The following CDS2 variants were observed in gnomAD, a reference collection of about 807,000 sequenced individuals.
The protein encoded by CDS2 is CDP-diacylglycerol synthase 2.
CDS2 carries 47 observed loss-of-function variants against 59.0 expected under a neutral mutation model. That is an observed-to-expected ratio of 0.80 (90% CI 0.63 to 1.02). The LOEUF is 1.02. Ranked by LOEUF, CDS2 falls within the 50% of genes least tolerant of loss-of-function variation. The pLI is 0.00. For synonymous variants in CDS2, 207 were observed against 206.4 expected, an observed-to-expected ratio of 1.00 and a Z score of -0.02; for missense variants, 356 against 558.9, an observed-to-expected ratio of 0.64 and a Z score of 3.66.
chr20:5,147,768 C>G (rs1191068210), intron 1 of CDS2, among the ~76,000 whole-genome samples: 2 of 151,350 alleles, frequency 1.3e-5, no homozygotes, highest in Non-Finnish European at 2.9e-5. Context: ...TGCCATGTTG[C>G]CCAGGTTGGT....
intron 1 of CDS2, among the ~76,000 whole-genome samples, chr20:5,130,743 G>A (rs994605265): frequency 1.5e-4 from 23 of 149,332 alleles, no homozygotes; most frequent in African/African-American, 5.7e-4. Context: ...AGATTGCGCC[G>A]TTGCACTCCA....
intron 1 of CDS2, among the ~76,000 whole-genome samples, chr20:5,161,085 G>A (rs73586432): frequency 2.2e-4 from 34 of 152,312 alleles, no homozygotes; most frequent in African/African-American, 8.2e-4. Context: ...GAATTGCTGA[G>A]TCATGTGGTA....
At chr20:5,181,907 A>G (rs1363506985) in intron 5 of CDS2, among the ~76,000 whole-genome samples, 2 of 152,184 alleles carry the variant, frequency 1.3e-5, no homozygotes, top group African/African-American at 4.8e-5. Flanking sequence ...GGGTATTATA[A>G]CCTTAGGGAA....
chr20:5,165,461 G>A (rs976763848), intron 1 of CDS2, among the ~76,000 whole-genome samples: 3 of 152,196 alleles, frequency 2.0e-5, no homozygotes, highest in Non-Finnish European at 4.4e-5. Flanking sequence ...AGGTGCTGGG[G>A]GTACAGTGGT....
chr20:5,188,346 G>A (rs1338368082), intron 10 of CDS2, among the ~76,000 whole-genome samples: 1 of 152,200 alleles, frequency 6.6e-6, no homozygotes, highest in East Asian at 1.9e-4. Context: ...AAGCTCTGGT[G>A]TAGTGTCAGA....
At position 5,127,897 on chromosome 20, in the gene CDS2, A is replaced by G. The variant is rs2090569024; in HGVS notation, c.57+748A>G. Reference sequence around the variant, plus strand: ...GTAGGGATTGGTTTTATTACTGTGGAGGTTGAATGGCAGTATAGGACTTTG... The same window carrying G: ...GTAGGGATTGGTTTTATTACTGTGGGGGTTGAATGGCAGTATAGGACTTTG... On this transcript the variant is annotated intron_variant, in intron 1 of 12. Transcript: ENST00000460006. 3.3e-5 allele frequency among the ~76,000 whole-genome samples: 5 copies of G among 151,838 alleles called. No homozygotes were observed. The South Asian group carries it at 1.0e-3, about 32-fold the overall frequency.
intron 1 of CDS2, among the ~76,000 whole-genome samples, chr20:5,171,141 C>T (rs1047709547): frequency 2.0e-4 from 31 of 152,206 alleles, no homozygotes; most frequent in African/African-American, 6.8e-4. Flanking sequence ...GGAGTCAGGT[C>T]TGACAGTGTT....
In CDS2 at chr20:5,191,231, A is replaced by G. The variant is rs1309987057; in HGVS notation, c.*997A>G. 3 of 152,560 alleles carry G rather than the reference A, an allele frequency of 2.0e-5. No homozygotes were observed. The highest frequency in any genetic ancestry group is 2.9e-5 in the Non-Finnish European group (2 of 68,030). The allele number at this position is 152,560 out of a possible 1,614,324, so 9.5% of individuals were successfully genotyped here. A position where few individuals can be genotyped will look rare whatever the true frequency, so the allele number is the denominator to read the frequency against. ...TCACTTATTTCTTACAGTGATTTCA[A>G]TTGCACCATGACTTCTTCACTAAAA... is the stretch of plus-strand genomic sequence containing the variant. On this transcript the variant is annotated 3_prime_UTR_variant, in exon 13 of 13. Coordinates refer to ENST00000460006, the MANE Select transcript of CDS2 (RefSeq NM_003818.4).
intron 3 of CDS2, 194 bp from the exon 4 acceptor site, chr20:5,176,454 T>C (rs2090995859): frequency 1.8e-6 from 1 of 560,634 alleles, no homozygotes; most frequent in African/African-American, 1.9e-5. Flanking sequence ...AAATTGGATC[T>C]ACTCCCTGTG....
chr20:5,164,738 A>G (rs950402321), intron 1 of CDS2, among the ~76,000 whole-genome samples: 3 of 152,052 alleles, frequency 2.0e-5, no homozygotes, highest in Non-Finnish European at 1.5e-5. Context: ...GACCCGTTGG[A>G]CTCCAGTGGG....
At chr20:5,186,940 T>G in intron 10 of CDS2, 101 bp downstream of exon 10, 1 of 1,314,218 alleles carries the variant, frequency 7.6e-7, no homozygotes, top group Non-Finnish European at 1.1e-6. Context: ...AGCTTCCTCC[T>G]TCCCAAAGCT....
chr20:5,147,579 C>T (rs1481726748), intron 1 of CDS2, among the ~76,000 whole-genome samples: 1 of 152,016 alleles, frequency 6.6e-6, no homozygotes, highest in Non-Finnish European at 1.5e-5. Context: ...CCACTTCTTT[C>T]TTTTTATTTT....
chr20:5,138,617 C>G (rs760253703), intron 1 of CDS2, among the ~76,000 whole-genome samples: 5 of 151,646 alleles, frequency 3.3e-5, no homozygotes, highest in Non-Finnish European at 7.4e-5. Context: ...TCCCAAGTAA[C>G]TGGGATTACA....
intron 7 of CDS2, among the ~76,000 whole-genome samples, chr20:5,183,884 C>G (rs1289207361): frequency 1.3e-5 from 2 of 152,152 alleles, no homozygotes; most frequent in African/African-American, 4.8e-5. Context: ...AAAGGGCGGG[C>G]GCGGTGGCTC....
rs576280057 is a variant in CDS2 at position 5,176,702 on chromosome 20, G to A, written c.346G>A (p.Val116Ile). The change falls in exon 4 of 13, where the codon GTC becomes ATC. Residue 116 changes from valine to isoleucine, a missense_variant. Around this residue, in one of 5 missense-constraint regions of CDS2, gnomAD observed 87 missense variants for 193.3 expected, o/e 0.45. Coordinates refer to ENST00000460006, the MANE Select transcript of CDS2 (RefSeq NM_003818.4). ...TGAGATAATCACTATTGGCTACAAC[G>A]TCTACCACTCATATGATCTGCCCTG... is the stretch of plus-strand genomic sequence containing the variant. ...FHEIITIGYN[V>I]YHSYDLPWFR... is the part of the protein sequence containing the mutation. 1.2e-5 allele frequency: 20 copies of A among 1,614,098 alleles called. No homozygotes were observed. The highest frequency in any genetic ancestry group is 9.9e-5 in the South Asian group (9 of 91,086).
rs1297655069 is a variant in CDS2, at chr20:5,144,739, AT to A, written c.57+17592del. Reference sequence around the variant, plus strand: ...AAACATTGAAACCATCATGTTGAGGATTACATGCATTCTGTGAAGTTTGTGT... The same window carrying A: ...AAACATTGAAACCATCATGTTGAGGATACATGCATTCTGTGAAGTTTGTGT... On this transcript the variant is annotated intron_variant, in intron 1 of 12. Transcript: ENST00000460006. 2.0e-5 allele frequency among the ~76,000 whole-genome samples: 3 copies of A among 152,314 alleles called. No homozygotes were observed. In the East Asian group the frequency reaches 5.8e-4, roughly 29 times the overall value.
intron 1 of CDS2, among the ~76,000 whole-genome samples, chr20:5,156,388 G>C (rs1401981707): frequency 6.6e-6 from 1 of 152,200 alleles, no homozygotes; most frequent in African/African-American, 2.4e-5. Context: ...AACCCACTGA[G>C]TTGGAGGTAT....
intron 1 of CDS2, among the ~76,000 whole-genome samples, chr20:5,171,659 T>C (rs1341615528): frequency 1.3e-5 from 2 of 152,234 alleles, no homozygotes; most frequent in Non-Finnish European, 2.9e-5. Flanking sequence ...GAGACCTTAC[T>C]GTGTTTCAGA....
rs114671952 is a variant in CDS2, at chr20:5,147,465, G to A, written c.57+20316G>A. On this transcript the variant is annotated intron_variant, in intron 1 of 12. Transcript: ENST00000460006. ...AGTAGTGGAGCCCAGGAGAGCACAG[G>A]CCTTGCAGGTCCTTTGGTGTGTGGT... Among the ~76,000 whole-genome samples the A allele has an allele frequency of 4.0e-3, 609 of 152,304 alleles. 9 individuals carry two copies. Among genetic ancestry groups the A allele is most frequent in the African/African-American group, 0.014 (573 of 41,562 alleles).
Sources: allele counts gnomAD v4.1 joint callset (sites outside exome capture counted in the v4.1 genomes callset), GRCh38; gene constraint gnomAD v4.1.1; regional missense constraint gnomAD v4.1.1; transcripts MANE v1.5; gene names NCBI Gene and HGNC (gene_info 2026-07-23, HGNC 2026-07-21).